Variants in SREK1IP1 observed in about 807,000 individuals in gnomAD.
SREK1IP1 encodes the protein SREK1 interacting protein 1, also known as protein SREK1IP1.
SREK1IP1 carries 12 observed loss-of-function variants against 22.8 expected under a neutral mutation model. That is an observed-to-expected ratio of 0.53 (90% CI 0.34 to 0.85). The LOEUF (loss-of-function observed/expected upper bound fraction) is 0.85. SREK1IP1 is among the 40% of genes least tolerant of loss of function. SREK1IP1 has a pLI of 0.02. For missense variants in SREK1IP1, 147 were observed against 171.8 expected, an observed-to-expected ratio of 0.86 and a Z score of 0.81; for synonymous variants, 53 against 52.7, an observed-to-expected ratio of 1.01 and a Z score of -0.02.
chr5:64,727,201 T>C lies in SREK1IP1; in HGVS notation c.278+906A>G, dbSNP rs546718518. Among the ~76,000 whole-genome samples, 361 of 152,194 alleles carry C rather than the reference T, an allele frequency of 2.4e-3. 6 individuals are homozygous for C. Among genetic ancestry groups the C allele is most frequent in the Non-Finnish European group, 1.1e-3 (74 of 68,018 alleles). ...CCTGGTTTCTACAACCTATTCTGTA[T>C]GAGAACTGGGTCTAAACTAGAAATA... On this transcript the variant is annotated intron_variant, in intron 4 of 4. Transcript: ENST00000513458.
Position 64,751,815 on chromosome 5 carries a change from T to C in SREK1IP1, c.61+2500A>G, listed in dbSNP as rs554861170. Among the ~76,000 whole-genome samples the C allele has an allele frequency of 3.9e-5, 6 of 152,314 alleles. No individual in the cohort carries two copies. In the South Asian group the frequency reaches 1.2e-3, roughly 32 times the overall value. On this transcript the variant is annotated intron_variant, in intron 2 of 4. Coordinates refer to ENST00000513458, the MANE Select transcript of SREK1IP1 (RefSeq NM_173829.4). The stretch of plus-strand genomic sequence containing the variant: ...AAAAATAGAAAATGCATTTCAGATG[T>C]GGTTTACACACACAAGACTGAACAC...
At chr5:64,726,674 G>C (rs59881551) in intron 4 of SREK1IP1, among the ~76,000 whole-genome samples, 10,146 of 151,872 alleles carry the variant, frequency 0.067, 1,103 homozygotes, top group African/African-American at 0.23. Flanking sequence ...ACAAAATACA[G>C]CTAACCTACT....
chr5:64,754,848 C>T (rs1041293252), intron 1 of SREK1IP1: 2 of 152,266 alleles, frequency 1.3e-5, no homozygotes, highest in Non-Finnish European at 2.9e-5. Flanking sequence ...TCTTATAAAT[C>T]AACAGAAAGG....
chr5:64,743,032 A>C (rs1410143497), intron 2 of SREK1IP1, among the ~76,000 whole-genome samples: 1 of 152,164 alleles, frequency 6.6e-6, no homozygotes, highest in Non-Finnish European at 1.5e-5. Flanking sequence ...TTATCAGAGA[A>C]TGGGATCTGT....
chr5:64,745,191 T>G (rs900162567), intron 2 of SREK1IP1, among the ~76,000 whole-genome samples: 2 of 152,218 alleles, frequency 1.3e-5, no homozygotes, highest in East Asian at 3.8e-4. Context: ...TTTTTGTTGT[T>G]GTGGTTGCTG....
At chr5:64,724,813 A>G (rs1742235838) in intron 4 of SREK1IP1, among the ~76,000 whole-genome samples, 1 of 152,178 alleles carries the variant, frequency 6.6e-6, no homozygotes, top group African/African-American at 2.4e-5. Context: ...AATGAGTTTT[A>G]AAGTCAATAA....
At chr5:64,752,110 T>C (rs1742752096) in intron 2 of SREK1IP1, among the ~76,000 whole-genome samples, 1 of 149,050 alleles carries the variant, frequency 6.7e-6, no homozygotes. Context: ...AAACTCATTA[T>C]CAAAATAACT....
intron 3 of SREK1IP1, among the ~76,000 whole-genome samples, chr5:64,734,046 A>C (rs1742419265): frequency 6.6e-6 from 1 of 152,092 alleles, no homozygotes; most frequent in Admixed American, 6.6e-5. Context: ...TGTTCTGTGT[A>C]GACTGTATCA....
chr5:64,739,968 ACT>A (rs1229722504), intron 3 of SREK1IP1, among the ~76,000 whole-genome samples: 1 of 152,116 alleles, frequency 6.6e-6, no homozygotes, highest in East Asian at 1.9e-4. Flanking sequence ...AAAATTTGTA[ACT>A]CTCTCATTCC....
intron 1 of SREK1IP1, among the ~76,000 whole-genome samples, chr5:64,762,498 T>C (rs1742966842): frequency 6.6e-6 from 1 of 152,144 alleles, no homozygotes; most frequent in Non-Finnish European, 1.5e-5. Flanking sequence ...ATAATATATA[T>C]GTTCTGCTTA....
chr5:64,763,743 T>C (rs1347783373), intron 1 of SREK1IP1, among the ~76,000 whole-genome samples: 1 of 152,164 alleles, frequency 6.6e-6, no homozygotes, highest in Non-Finnish European at 1.5e-5. Context: ...GAACTCGATG[T>C]TAGAGAAGCC....
intron 2 of SREK1IP1, among the ~76,000 whole-genome samples, chr5:64,748,000 A>C (rs532941263): frequency 6.6e-6 from 1 of 152,348 alleles, no homozygotes; most frequent in Admixed American, 6.5e-5. Context: ...TCCTATGTAC[A>C]TACCCCAAAG....
intron 3 of SREK1IP1, among the ~76,000 whole-genome samples, chr5:64,737,959 G>A (rs1482994090): frequency 1.3e-5 from 2 of 152,104 alleles, no homozygotes; most frequent in Non-Finnish European, 2.9e-5. Context: ...AAAAGCCCAG[G>A]ACTAGATGGC....
rs372824128 is a variant in SREK1IP1 at position 64,719,514 on chromosome 5, G to A, written c.*4870C>T. On this transcript the variant is annotated 3_prime_UTR_variant, in exon 5 of 5. Transcript: ENST00000513458. ...ACAACTTTGATTTTAAAGTATCCCA[G>A]AAAATTTGCTATCTTTACAGTAATT... 1.5e-3 allele frequency: 223 copies of A among 152,242 alleles called. 1 individual carries two copies. Among genetic ancestry groups the A allele is most frequent in the African/African-American group, 5.0e-3 (209 of 41,540 alleles). 9.4% of individuals were successfully genotyped at this position (152,242 alleles called of 1,614,324 possible).
At chr5:64,752,553 A>AACAATATATT (rs1742767507) in intron 2 of SREK1IP1, among the ~76,000 whole-genome samples, 1 of 152,146 alleles carries the variant, frequency 6.6e-6, no homozygotes, top group Admixed American at 6.5e-5. Context: ...AACTTTAAAA[A>AACAATATATT]ACAATATATT....
At chr5:64,752,345 G>A (rs1742761808) in intron 2 of SREK1IP1, among the ~76,000 whole-genome samples, 1 of 151,754 alleles carries the variant, frequency 6.6e-6, no homozygotes, top group African/African-American at 2.4e-5. Flanking sequence ...TAGAGACGGG[G>A]TTTCATCGGG....
chr5:64,728,195 G>A lies in SREK1IP1; in HGVS notation c.206-16C>T, dbSNP rs372265451. Reference sequence around the variant, plus strand: ...TCATTTATTCCTGTGGGGGAGAGGTGAGAAGAAAAAAATCTGGTTAATATA... The same window carrying A: ...TCATTTATTCCTGTGGGGGAGAGGTAAGAAGAAAAAAATCTGGTTAATATA... On this transcript the variant is annotated splice_polypyrimidine_tract_variant and intron_variant, in intron 3 of 4. Coordinates refer to ENST00000513458, the MANE Select transcript of SREK1IP1 (RefSeq NM_173829.4). 3 of 1,368,894 alleles carry A rather than the reference G, an allele frequency of 2.2e-6. No individual in the cohort carries two copies. Among genetic ancestry groups the A allele is most frequent in the South Asian group, 3.8e-5 (2 of 52,288 alleles). The allele number at this position is 1,368,894 out of a possible 1,614,324, so 84.8% of individuals were successfully genotyped here.
intron 3 of SREK1IP1, among the ~76,000 whole-genome samples, chr5:64,739,716 A>G (rs1334504974): frequency 6.6e-6 from 1 of 152,056 alleles, no homozygotes; most frequent in Non-Finnish European, 1.5e-5. Context: ...GTATTTCAGT[A>G]GAGAACAAAA....
In SREK1IP1 at chr5:64,760,670, T is replaced by A. The variant is rs145407504; in HGVS notation, c.14-6308A>T. Among the ~76,000 whole-genome samples the A allele has an allele frequency of 5.4e-3, 820 of 152,334 alleles. 7 individuals carry two copies. The highest frequency in any genetic ancestry group is 0.019 in the African/African-American group (771 of 41,586). On this transcript the variant is annotated intron_variant, in intron 1 of 4. Coordinates refer to ENST00000513458, the MANE Select transcript of SREK1IP1 (RefSeq NM_173829.4). ...TCCCACCCTGAATCTTTAAAAACTCTTAGTTTGTAAGTGAGTGTGCCTCTG... is the reference window on the plus strand; with the variant it reads ...TCCCACCCTGAATCTTTAAAAACTCATAGTTTGTAAGTGAGTGTGCCTCTG...
Sources: gnomAD v4.1 joint callset for allele counts (sites outside exome capture counted in the v4.1 genomes callset) on GRCh38, gnomAD v4.1.1 for gene constraint, MANE v1.5 for transcripts, NCBI Gene and HGNC (gene_info 2026-07-23, HGNC 2026-07-21) for gene names.